ACTR3C: variants seen among roughly 807,000 people sequenced by gnomAD.
ACTR3C encodes the protein actin related protein 3C, also known as actin-related protein 3C.
Under a neutral mutation model 26.3 loss-of-function variants are expected in ACTR3C, and 18 were observed. That is an observed-to-expected ratio of 0.68 (90% CI 0.47 to 1.01). The LOEUF is 1.01. ACTR3C is among the 50% of genes least tolerant of loss of function. The pLI is 0.00. For missense variants in ACTR3C, 184 were observed against 250.7 expected (o/e 0.73, Z 1.80); for synonymous variants, 55 against 94.5 (o/e 0.58, Z 2.42).
intron 6 of ACTR3C, among the ~76,000 whole-genome samples, chr7:150,263,600 T>C (rs1199460062): frequency 1.3e-5 from 2 of 152,022 alleles, no homozygotes; most frequent in African/African-American, 4.8e-5. Context: ...TTGTCTATGA[T>C]TGTTCAAAAG....
At chr7:150,275,957 T>G (rs1386041642) in intron 6 of ACTR3C, among the ~76,000 whole-genome samples, 5 of 152,166 alleles carry the variant, frequency 3.3e-5, no homozygotes, top group Non-Finnish European at 5.9e-5. Context: ...TTCAGTTCAC[T>G]ATATCGACTG....
chr7:150,000,851 T>G, the ACTR3C span: 1 of 137,570 alleles, frequency 7.3e-6, no homozygotes, highest in African/African-American at 2.6e-5. Flanking sequence ...CACCTGGGAC[T>G]CAGCTCCCAG....
At chr7:149,932,608 T>C in the ACTR3C span, among the ~76,000 whole-genome samples, 11 of 152,126 alleles carry the variant, frequency 7.2e-5, no homozygotes, top group East Asian at 1.2e-3. Context: ...TTGCTGGCTC[T>C]TTTGGCACTG....
chr7:150,040,351 C>T, the ACTR3C span, among the ~76,000 whole-genome samples: 1 of 148,048 alleles, frequency 6.8e-6, no homozygotes, highest in Non-Finnish European at 1.5e-5. Flanking sequence ...ATGGAAAAGG[C>T]TTTGTCAGAT....
At chr7:149,926,573 C>T in the ACTR3C span, among the ~76,000 whole-genome samples, 1 of 152,194 alleles carries the variant, frequency 6.6e-6, no homozygotes, top group African/African-American at 2.4e-5. Context: ...GAGCATTGCA[C>T]ACATGTTGTC....
At chr7:150,198,370 C>A in the ACTR3C span, among the ~76,000 whole-genome samples, 1 of 148,640 alleles carries the variant, frequency 6.7e-6, no homozygotes, top group African/African-American at 2.6e-5. Context: ...AGCGTCTGCG[C>A]CCGGCCGCCA....
At chr7:149,882,627 C>T in the ACTR3C span, among the ~76,000 whole-genome samples, 2 of 152,210 alleles carry the variant, frequency 1.3e-5, no homozygotes, top group Non-Finnish European at 2.9e-5. Flanking sequence ...GGCTTTCCCT[C>T]CAGGCCCGAG....
At chr7:150,236,934 A>T in the ACTR3C span, among the ~76,000 whole-genome samples, 9 of 151,514 alleles carry the variant, frequency 5.9e-5, no homozygotes, top group Middle Eastern at 3.4e-3. Flanking sequence ...CATCTCATAA[A>T]GAAAGAGAAA....
At chr7:150,241,455 C>T (rs2129608435), downstream of ACTR3C, among the ~76,000 whole-genome samples, 1 of 152,238 alleles carries the variant, frequency 6.6e-6, no homozygotes, top group African/African-American at 2.4e-5. Flanking sequence ...ACTCGATATC[C>T]ACATGAAGAA....
the ACTR3C span, among the ~76,000 whole-genome samples, chr7:149,915,704 T>A: frequency 6.6e-6 from 1 of 151,286 alleles, no homozygotes; most frequent in East Asian, 1.9e-4. Context: ...AGAGCCATTA[T>A]AAAGTGTCAC....
chr7:150,120,549 T>C, the ACTR3C span, among the ~76,000 whole-genome samples: 68,891 of 151,762 alleles, frequency 0.45, 15,994 homozygotes, highest in African/African-American at 0.55. Flanking sequence ...AAGTCAAATC[T>C]CTGAATAGAC....
At chr7:150,080,302 C>T in the ACTR3C span, among the ~76,000 whole-genome samples, 20 of 151,212 alleles carry the variant, frequency 1.3e-4, no homozygotes, top group East Asian at 3.7e-3. Context: ...ACTTCCCTCT[C>T]CCTGAGCTTT....
the ACTR3C span, among the ~76,000 whole-genome samples, chr7:150,014,111 AAAG>A: frequency 6.6e-5 from 10 of 152,306 alleles, no homozygotes; most frequent in East Asian, 1.7e-3. Context: ...AGTGCACTGC[AAAG>A]AAGCACAACA....
chr7:150,107,573 C>G, the ACTR3C span, among the ~76,000 whole-genome samples: 5 of 151,992 alleles, frequency 3.3e-5, no homozygotes, highest in Non-Finnish European at 7.4e-5. Context: ...TAGAAGACTG[C>G]TGCCGTGAAG....
the ACTR3C span, among the ~76,000 whole-genome samples, chr7:150,225,004 AGTGT>A: frequency 0.079 from 10,771 of 136,118 alleles, 486 homozygotes; most frequent in African/African-American, 0.13. Context: ...CACCCCCATT[AGTGT>A]GTGTGTGTGT....
the ACTR3C span, among the ~76,000 whole-genome samples, chr7:149,987,759 T>A: frequency 2.0e-5 from 3 of 149,936 alleles, no homozygotes; most frequent in Non-Finnish European, 4.4e-5. Flanking sequence ...TGCATCTTTT[T>A]AAAAAATCTC....
the ACTR3C span, among the ~76,000 whole-genome samples, chr7:149,911,250 G>A: frequency 6.6e-6 from 1 of 151,506 alleles, no homozygotes. Context: ...AGATGCCTAT[G>A]GAATCCAACA....
intron 1 of ACTR3C, among the ~76,000 whole-genome samples, chr7:150,296,242 C>T (rs1007404872): frequency 6.7e-6 from 1 of 149,334 alleles, no homozygotes; most frequent in Admixed American, 6.6e-5. Flanking sequence ...ATCCCAGCTA[C>T]TCGGGGGCTG....
intron 6 of ACTR3C, among the ~76,000 whole-genome samples, chr7:150,259,517 C>A (rs1833492366): frequency 1.3e-5 from 2 of 152,286 alleles, no homozygotes; most frequent in East Asian, 3.9e-4. Context: ...CTAGTGAAGA[C>A]TGTCAACCAT....
Sources: allele counts gnomAD v4.1 joint callset (sites outside exome capture counted in the v4.1 genomes callset), GRCh38; gene constraint gnomAD v4.1.1; transcripts MANE v1.5; gene names NCBI Gene and HGNC (gene_info 2026-07-23, HGNC 2026-07-21).